VPS26B: variants seen among roughly 807,000 people sequenced by gnomAD.
VPS26B encodes vacuolar protein sorting-associated protein 26B.
In VPS26B, 10 loss-of-function variants were observed where a neutral mutation model predicts 33.3. That is an observed-to-expected ratio of 0.30 (90% CI 0.19 to 0.51). The LOEUF (loss-of-function observed/expected upper bound fraction) is 0.51, where lower values mean the gene tolerates loss of function less well. Among genes scored for constraint, VPS26B ranks in the 20% least tolerant of loss-of-function variants. VPS26B has a pLI of 0.98. For synonymous variants in VPS26B, 190 were observed against 176.9 expected (o/e 1.07, Z -0.59); for missense variants, 317 against 452.7 (o/e 0.70, Z 2.72).
At chr11:134,241,536 T>C (rs926529222) in intron 3 of VPS26B, among the ~76,000 whole-genome samples, 16 of 152,162 alleles carry the variant, frequency 1.1e-4, no homozygotes, top group African/African-American at 3.9e-4. Flanking sequence ...TTTCTCCTTA[T>C]AGCCTCAGGG....
intron 3 of VPS26B, among the ~76,000 whole-genome samples, chr11:134,242,165 C>T (rs763665898): frequency 2.0e-5 from 3 of 152,122 alleles, no homozygotes; most frequent in African/African-American, 4.8e-5. Context: ...TGTAAGATGG[C>T]GCAGGTGGTC....
At chr11:134,230,021 C>T (rs1402071883) in intron 1 of VPS26B, among the ~76,000 whole-genome samples, 2 of 152,176 alleles carry the variant, frequency 1.3e-5, no homozygotes, top group Non-Finnish European at 2.9e-5. Flanking sequence ...ACCTTCCACC[C>T]AAGCTCTTAC....
chr11:134,245,535 C>T lies in VPS26B; in HGVS notation c.956C>T (p.Ser319Phe), dbSNP rs938347654. The T allele has an allele frequency of 1.9e-6, 3 of 1,613,784 alleles. No homozygotes were observed. Among genetic ancestry groups the T allele is most frequent in the Non-Finnish European group, 2.5e-6 (3 of 1,179,978 alleles). ...TCACAGCGCTTTGAGGGCACCACCT[C>T]CCTGGGTGAGGTGCGGACCCCCAGC... is the stretch of plus-strand genomic sequence containing the variant. ...IASQRFEGTT[S>F]LGEVRTPSQL... is the part of the protein sequence containing the mutation. The change falls in exon 6 of 6, where the codon TCC (serine) becomes TTC (phenylalanine). Residue 319 changes from serine to phenylalanine, a missense_variant. Transcript: ENST00000281187. This position sits in a 1 kb window ranked among gnomAD's most constrained non-coding sequence, Gnocchi z 4.7.
rs940979145 is a variant in VPS26B, at chr11:134,245,856, C to G, written c.*266C>G. On this transcript the variant is annotated 3_prime_UTR_variant, in exon 6 of 6. Transcript: ENST00000281187. The surrounding 1 kb of genome is among the most constrained non-coding windows in gnomAD (Gnocchi z 4.7). The stretch of plus-strand genomic sequence containing the variant: ...CCAGCCTCTCTGGGGAACATGAGCC[C>G]CCTTCCTCGGGGGGCTGCCTTGCGT... 6.7e-6 allele frequency: 3 copies of G among 450,322 alleles called. No homozygotes were observed. The highest frequency in any genetic ancestry group is 5.8e-5 in the African/African-American group (3 of 51,368). The allele number at this position is 450,322 out of a possible 1,614,324, so 27.9% of individuals were successfully genotyped here. A position where few individuals can be genotyped will look rare whatever the true frequency, so the allele number is the denominator to read the frequency against.
intron 2 of VPS26B, among the ~76,000 whole-genome samples, chr11:134,239,322 G>A (rs1420184723): frequency 1.3e-5 from 2 of 152,098 alleles, no homozygotes; most frequent in Admixed American, 1.3e-4. Flanking sequence ...AGCCCTTTCC[G>A]TGTGTTCCCA....
At chr11:134,239,034 A>G (rs1938678778) in intron 2 of VPS26B, among the ~76,000 whole-genome samples, 1 of 152,216 alleles carries the variant, frequency 6.6e-6, no homozygotes, top group African/African-American at 2.4e-5. Context: ...ACAATTAAAG[A>G]GCTCCTCCTC....
intron 3 of VPS26B, among the ~76,000 whole-genome samples, chr11:134,242,597 G>A (rs193156949): frequency 6.6e-5 from 10 of 152,362 alleles, no homozygotes; most frequent in Non-Finnish European, 1.2e-4. Flanking sequence ...CCAGGCCAGC[G>A]GAGCCCAGAA....
intron 1 of VPS26B, 77 bp from the exon 2 acceptor site, chr11:134,234,820 A>T (rs893096557): frequency 1.3e-6 from 2 of 1,548,588 alleles, no homozygotes; most frequent in Non-Finnish European, 1.8e-6. Context: ...TCCAGCCTAC[A>T]GCCTCCAGCC....
chr11:134,232,202 A>ACC (rs879510663), intron 1 of VPS26B, among the ~76,000 whole-genome samples: 84,959 of 151,484 alleles, frequency 0.56, 26,616 homozygotes, highest in South Asian at 0.74. Context: ...GGGAAGAATG[A>ACC]AAGATGACGC....
At chr11:134,242,143 CTA>C (rs1280079305) in intron 3 of VPS26B, among the ~76,000 whole-genome samples, 4 of 152,196 alleles carry the variant, frequency 2.6e-5, no homozygotes, top group Non-Finnish European at 5.9e-5. Context: ...TCCATGGTCT[CTA>C]AGCATCCCCT....
rs767241061 is a variant in VPS26B at position 134,243,281 on chromosome 11, G to T, written c.708G>T (p.Gly236=). The T allele has an allele frequency of 6.2e-7, 1 of 1,613,996 alleles. No homozygotes were observed. The highest frequency in any genetic ancestry group is 2.2e-5 in the East Asian group (1 of 44,884). ...TAGCCAAGTACGAGATCATGGACGG[G>T]GCACCAGTGCGAGGTGAGACTCCAG... ...DTIAKYEIMD[G]APVRGESIPI... is the part of the protein sequence containing the mutation. Residue 236 remains glycine, a synonymous_variant, in exon 4 of 6, where the codon GGG becomes GGT. Coordinates refer to ENST00000281187, the MANE Select transcript of VPS26B (RefSeq NM_052875.5).
Position 134,245,607 on chromosome 11 carries a change from A to T in VPS26B, c.*17A>T. ...AGGCAGTAGGCCCCCAGGGCCGAGA[A>T]GATGCTGGGCACCCACCCAGCACCC... On this transcript the variant is annotated 3_prime_UTR_variant, in exon 6 of 6. Coordinates refer to ENST00000281187, the MANE Select transcript of VPS26B (RefSeq NM_052875.5). This position sits in a 1 kb window ranked among gnomAD's most constrained non-coding sequence, Gnocchi z 4.7. The T allele has an allele frequency of 6.3e-7, 1 of 1,596,388 alleles. No individual in the cohort carries two copies. Among genetic ancestry groups the T allele is most frequent in the Non-Finnish European group, 8.5e-7 (1 of 1,173,462 alleles).
In VPS26B at chr11:134,240,270, G is replaced by A. The variant is rs970078017; in HGVS notation, c.545+115G>A. 7.9e-5 allele frequency: 96 copies of A among 1,222,384 alleles called. 1 individual carries two copies. The highest frequency in any genetic ancestry group is 1.2e-4 in the East Asian group (5 of 41,850). The allele number at this position is 1,222,384 out of a possible 1,614,324, so 75.7% of individuals were successfully genotyped here. On this transcript the variant is annotated intron_variant, in intron 3 of 5. Transcript: ENST00000281187. This position sits in a 1 kb window ranked among gnomAD's most constrained non-coding sequence, Gnocchi z 4.4. ...ACTCGACTGCTTTGTGGTGGCATGC[G>A]GTGGGGGAAGACCGTGGGAGCAATC...
At chr11:134,228,392 G>C (rs894497362) in intron 1 of VPS26B, among the ~76,000 whole-genome samples, 2 of 151,108 alleles carry the variant, frequency 1.3e-5, no homozygotes, top group African/African-American at 4.9e-5. Flanking sequence ...TTGTGTTCCT[G>C]AAATACACAC....
Position 134,245,295 on chromosome 11 carries a change from G to T in VPS26B, c.865-149G>T. 7.6e-7 allele frequency: 1 copy of T among 1,320,190 alleles called. No homozygotes were observed. The highest frequency in any genetic ancestry group is 1.0e-6 in the Non-Finnish European group (1 of 966,194). The allele number at this position is 1,320,190 out of a possible 1,614,324, so 81.8% of individuals were successfully genotyped here. A position where few individuals can be genotyped will look rare whatever the true frequency, so the allele number is the denominator to read the frequency against. ...GCCCTTTTGGCCCACACCAGGGACAGGGAGGTGCTGGCAGCTGCTGCCTTT... is the reference window on the plus strand; with the variant it reads ...GCCCTTTTGGCCCACACCAGGGACATGGAGGTGCTGGCAGCTGCTGCCTTT... On this transcript the variant is annotated intron_variant, in intron 5 of 5. Transcript: ENST00000281187. The surrounding 1 kb of genome is among the most constrained non-coding windows in gnomAD (Gnocchi z 4.7).
At chr11:134,237,481 A>C (rs1339408252) in intron 2 of VPS26B, among the ~76,000 whole-genome samples, 1 of 152,218 alleles carries the variant, frequency 6.6e-6, no homozygotes, top group African/African-American at 2.4e-5. Context: ...GAAAGCATAA[A>C]AGTTTAGCAG....
At chr11:134,225,545 T>C in intron 1 of VPS26B, 200 bp downstream of exon 1, 1 of 610,438 alleles carries the variant, frequency 1.6e-6, no homozygotes, top group South Asian at 1.9e-5. Context: ...GACAGCGCGC[T>C]GCCAGGGAGA....
At position 134,244,717 on chromosome 11, in the gene VPS26B, C is replaced by T. The variant is rs1241115045; in HGVS notation, c.722-221C>T. 3 of 543,050 alleles carry T rather than the reference C, an allele frequency of 5.5e-6. No individual in the cohort carries two copies. The highest frequency in any genetic ancestry group is 3.4e-5 in the Admixed American group (1 of 29,174). 33.6% of individuals were successfully genotyped at this position (543,050 alleles called of 1,614,324 possible). On this transcript the variant is annotated intron_variant, in intron 4 of 5. Coordinates refer to ENST00000281187, the MANE Select transcript of VPS26B (RefSeq NM_052875.5). This position sits in a 1 kb window ranked among gnomAD's most constrained non-coding sequence, Gnocchi z 4.0. ...TTCCCACTCAGTTGCTCTCTGTTTTCGAGAAGACATGAGAAGCTGCAACAT... is the reference window on the plus strand; with the variant it reads ...TTCCCACTCAGTTGCTCTCTGTTTTTGAGAAGACATGAGAAGCTGCAACAT...
chr11:134,243,931 C>T (rs1437911694), intron 4 of VPS26B: 1 of 152,282 alleles, frequency 6.6e-6, no homozygotes, highest in East Asian at 1.9e-4. Flanking sequence ...GCTCTTTAGC[C>T]ATCCCTCAGG....
Sources: gnomAD v4.1 joint callset for allele counts (sites outside exome capture counted in the v4.1 genomes callset) on GRCh38, gnomAD v4.1.1 for gene constraint, Gnocchi (gnomAD v3.1) non-coding constraint, MANE v1.5 for transcripts, NCBI Gene and HGNC (gene_info 2026-07-23, HGNC 2026-07-21) for gene names.